TACC2: variants seen among roughly 807,000 people sequenced by gnomAD.
The protein encoded by TACC2 is transforming acidic coiled-coil-containing protein 2.
Under a neutral mutation model 227.3 loss-of-function variants are expected in TACC2, and 137 were observed. The ratio of observed to expected loss-of-function variants is 0.60; its 90% CI spans 0.52 to 0.69. The LOEUF is 0.69. Ranked by LOEUF, TACC2 falls within the 30% of genes least tolerant of loss-of-function variation. The pLI is 0.00. For missense variants in TACC2, 3,470 were observed against 3,694.4 expected (o/e 0.94, Z 1.57); for synonymous variants, 1,523 against 1,487.5 (o/e 1.02, Z -0.55).
chr10:122,203,694 G>T (rs1053852507), intron 8 of TACC2, among the ~76,000 whole-genome samples: 4 of 151,274 alleles, frequency 2.6e-5, no homozygotes, highest in Admixed American at 2.0e-4. Flanking sequence ...AGGCAGAGGG[G>T]CTCCTCACAT....
chr10:122,098,970 TG>T (rs2137541733), intron 5 of TACC2, among the ~76,000 whole-genome samples: 1 of 152,304 alleles, frequency 6.6e-6, no homozygotes, highest in East Asian at 1.9e-4. Flanking sequence ...TCTAGGGCTT[TG>T]GGGTTAACCT....
In TACC2 at chr10:122,194,615, T is replaced by C. The variant is rs547770767; in HGVS notation, c.5835-425T>C. Among the ~76,000 whole-genome samples the C allele has an allele frequency of 2.6e-5, 4 of 152,256 alleles. No homozygotes were observed. Among genetic ancestry groups the C allele is most frequent in the South Asian group, 4.2e-4 (2 of 4,816 alleles). ...AGAATAAGTCTATACTCACAAGTTA[T>C]GAGAGGCGCTGAGAAGGCAGGACAG... On this transcript the variant is annotated intron_variant, in intron 7 of 22. Transcript: ENST00000369005. The surrounding 1 kb of genome is among the most constrained non-coding windows in gnomAD (Gnocchi z 4.4).
chr10:122,228,490 A>G lies in TACC2; in HGVS notation c.7896+482A>G, dbSNP rs112480515. ...CAGAGCTGAGCTGAAGGCCTCACCT[A>G]CCCCCCAGTCCCTGCACAGCACACG... On this transcript the variant is annotated intron_variant, in intron 14 of 22. Transcript: ENST00000369005. Among the ~76,000 whole-genome samples the G allele has an allele frequency of 1.3e-4, 20 of 151,906 alleles. 2 individuals are homozygous for G. Among genetic ancestry groups the G allele is most frequent in the African/African-American group, 4.6e-4 (19 of 41,436 alleles).
intron 2 of TACC2, among the ~76,000 whole-genome samples, chr10:122,033,468 C>A (rs1047282764): frequency 1.1e-4 from 16 of 152,148 alleles, no homozygotes; most frequent in Non-Finnish European, 1.6e-4. Context: ...AATACTAACC[C>A]CTCCAAACTC....
chr10:122,086,881 A>AC lies in TACC2; in HGVS notation c.4384dup (p.Leu1462ProfsTer22). 1 of 1,613,862 alleles carries AC rather than the reference A, an allele frequency of 6.2e-7. No homozygotes were observed. Among genetic ancestry groups the AC allele is most frequent in the Non-Finnish European group, 8.5e-7 (1 of 1,179,976 alleles). ...AGATGGGCCTCCAGGAGTGGATGTC[A>AC]CCCTTCTCCCTGCACCTCCTGCTCG... On this transcript the variant is annotated frameshift_variant, in exon 4 of 23. Transcript: ENST00000369005. LOFTEE classifies it high-confidence loss of function.
At chr10:122,100,263 CAAA>C (rs369379710) in intron 5 of TACC2, among the ~76,000 whole-genome samples, 9 of 107,228 alleles carry the variant, frequency 8.4e-5, no homozygotes, top group African/African-American at 6.5e-5. Context: ...GACTCTGTCT[CAAA>C]AAAAAAAAAA....
intron 5 of TACC2, among the ~76,000 whole-genome samples, chr10:122,128,532 G>A (rs1262340886): frequency 6.6e-6 from 1 of 152,166 alleles, no homozygotes; most frequent in Non-Finnish European, 1.5e-5. Context: ...GCCTGGCCGC[G>A]TTCCCGCCCT....
chr10:122,124,285 C>A (rs2086403816), intron 5 of TACC2, among the ~76,000 whole-genome samples: 1 of 152,182 alleles, frequency 6.6e-6, no homozygotes, highest in Non-Finnish European at 1.5e-5. Flanking sequence ...TGTCATGAAG[C>A]CTCTGGAACA....
intron 16 of TACC2, among the ~76,000 whole-genome samples, chr10:122,236,716 G>A (rs1318367992): frequency 6.6e-6 from 1 of 152,232 alleles, no homozygotes; most frequent in African/African-American, 2.4e-5. Context: ...ATCAGCAGAT[G>A]TGGATATTGT....
chr10:122,195,671 C>G (rs2094543474), intron 8 of TACC2, among the ~76,000 whole-genome samples: 1 of 152,162 alleles, frequency 6.6e-6, no homozygotes, highest in Non-Finnish European at 1.5e-5. Flanking sequence ...AACTTTCTCC[C>G]TTAGTGTGAG....
At chr10:122,053,294 C>T (rs1469214698) in intron 3 of TACC2, among the ~76,000 whole-genome samples, 6 of 152,008 alleles carry the variant, frequency 3.9e-5, no homozygotes, top group South Asian at 2.1e-4. Flanking sequence ...GGGAAACTCC[C>T]GTTTTTAAAA....
At chr10:122,080,825 A>C (rs1451702974) in intron 3 of TACC2, among the ~76,000 whole-genome samples, 1 of 152,214 alleles carries the variant, frequency 6.6e-6, no homozygotes, top group Non-Finnish European at 1.5e-5. Flanking sequence ...TGAGAGGAGA[A>C]TCTTTCCACT....
chr10:122,123,866 T>G (rs1452608022), intron 5 of TACC2, among the ~76,000 whole-genome samples: 4 of 144,092 alleles, frequency 2.8e-5, no homozygotes, highest in East Asian at 4.3e-4. Context: ...CAGGCTGGAG[T>G]GCAGTGGCAC....
intron 11 of TACC2, among the ~76,000 whole-genome samples, chr10:122,218,927 C>T (rs549822967): frequency 3.4e-5 from 5 of 145,364 alleles, no homozygotes; most frequent in East Asian, 2.1e-4. Context: ...GAAGCTGAGG[C>T]GGGAGGATTG....
chr10:122,106,603 T>C (rs764482485), intron 5 of TACC2, among the ~76,000 whole-genome samples: 6 of 152,206 alleles, frequency 3.9e-5, no homozygotes, highest in African/African-American at 1.4e-4. Flanking sequence ...GATTTGCCTT[T>C]TGTATTCTGC....
At chr10:122,144,501 A>G (rs1349882704) in intron 7 of TACC2, among the ~76,000 whole-genome samples, 1 of 152,214 alleles carries the variant, frequency 6.6e-6, no homozygotes, top group Non-Finnish European at 1.5e-5. Context: ...GTGTGCTGAG[A>G]ACGGCAGGCC....
At chr10:122,197,886 A>G (rs1240838593) in intron 8 of TACC2, among the ~76,000 whole-genome samples, 1 of 152,220 alleles carries the variant, frequency 6.6e-6, no homozygotes, top group Non-Finnish European at 1.5e-5. Flanking sequence ...AGCATGGGGC[A>G]TTACGAAGGC....
intron 10 of TACC2, 73 bp downstream of exon 10, chr10:122,215,524 T>C: frequency 7.7e-7 from 1 of 1,296,592 alleles, no homozygotes; most frequent in Non-Finnish European, 1.1e-6. Flanking sequence ...TTGACAAAGC[T>C]TTGCTTTCTG....
At chr10:122,165,100 T>G (rs186478526) in intron 7 of TACC2, among the ~76,000 whole-genome samples, 6 of 152,276 alleles carry the variant, frequency 3.9e-5, no homozygotes, top group Admixed American at 3.3e-4. Flanking sequence ...CACCCATCAT[T>G]TGTCTTCACC....
Sources: allele counts gnomAD v4.1 joint callset (sites outside exome capture counted in the v4.1 genomes callset), GRCh38; gene constraint gnomAD v4.1.1; non-coding constraint Gnocchi (gnomAD v3.1); transcripts MANE v1.5; gene names NCBI Gene and HGNC (gene_info 2026-07-23, HGNC 2026-07-21).